The following PLEKHD1 variants were observed in gnomAD, a reference collection of about 807,000 sequenced individuals.
PLEKHD1 encodes pleckstrin homology and coiled-coil domain containing D1.
In PLEKHD1, 51 loss-of-function variants were observed where a neutral mutation model predicts 69.2. That is an observed-to-expected ratio of 0.74 (90% CI 0.59 to 0.93). The LOEUF (loss-of-function observed/expected upper bound fraction) is 0.93, where lower values mean the gene tolerates loss of function less well. Among genes scored for constraint, PLEKHD1 ranks in the 40% least tolerant of loss-of-function variants. The pLI is 0.00. For synonymous variants in PLEKHD1, 236 were observed against 244.7 expected (o/e 0.96, Z 0.33); for missense variants, 584 against 641.0 (o/e 0.91, Z 0.96).
chr14:69,526,662 T>A (rs1566566796), intron 9 of PLEKHD1, 35 bp from the exon 10 acceptor site: 8 of 1,452,894 alleles, frequency 5.5e-6, no homozygotes, highest in Non-Finnish European at 5.5e-6. Context: ...ATTTGGCGAG[T>A]GAGCATTGAG....
At chr14:69,505,429 G>A (rs183321430) in intron 6 of PLEKHD1, among the ~76,000 whole-genome samples, 3 of 152,314 alleles carry the variant, frequency 2.0e-5, no homozygotes, top group Admixed American at 2.0e-4. Context: ...GAGCCGCTGA[G>A]GCAATTGATG....
the PLEKHD1 span, among the ~76,000 whole-genome samples, chr14:69,468,372 A>T: frequency 6.6e-6 from 1 of 152,220 alleles, no homozygotes. Context: ...TAATATAAGG[A>T]TAGTGAAAAA....
At chr14:69,505,034 A>T (rs1883120834) in intron 6 of PLEKHD1, among the ~76,000 whole-genome samples, 1 of 152,088 alleles carries the variant, frequency 6.6e-6, no homozygotes, top group East Asian at 1.9e-4. Flanking sequence ...AAATTTAGAC[A>T]CTCTATCTAG....
At chr14:69,503,065 G>A in intron 6 of PLEKHD1, 186 bp downstream of exon 6, 2 of 641,468 alleles carry the variant, frequency 3.1e-6, no homozygotes, top group Non-Finnish European at 5.4e-6. Flanking sequence ...GGTAAGAAGT[G>A]TCTTTCTCCT....
At chr14:69,525,649 C>T (rs1325409024) in intron 8 of PLEKHD1, among the ~76,000 whole-genome samples, 1 of 152,132 alleles carries the variant, frequency 6.6e-6, no homozygotes, top group Non-Finnish European at 1.5e-5. Flanking sequence ...TATGTCTCCT[C>T]ATTCACCCCT....
chr14:69,479,315 G>A, the PLEKHD1 span, among the ~76,000 whole-genome samples: 10 of 152,292 alleles, frequency 6.6e-5, no homozygotes, highest in Admixed American at 5.2e-4. Context: ...AACCGTATCA[G>A]TGTTAGAGCC....
intron 7 of PLEKHD1, among the ~76,000 whole-genome samples, chr14:69,522,928 ATGTT>A (rs968344814): frequency 4.0e-4 from 60 of 151,892 alleles, no homozygotes; most frequent in East Asian, 1.2e-3. Flanking sequence ...ATATATAAAA[ATGTT>A]TGTTTGTTTG....
At chr14:69,471,287 T>G in the PLEKHD1 span, among the ~76,000 whole-genome samples, 1 of 151,784 alleles carries the variant, frequency 6.6e-6, no homozygotes, top group Admixed American at 6.6e-5. Flanking sequence ...TAAATTTTTA[T>G]TTTTGTAGAG....
At chr14:69,480,587 T>C (rs1404362880), upstream of PLEKHD1, among the ~76,000 whole-genome samples, 1 of 152,208 alleles carries the variant, frequency 6.6e-6, no homozygotes, top group Non-Finnish European at 1.5e-5. Context: ...CACCATTTTC[T>C]ATTAGGCAAT....
chr14:69,497,770 T>G (rs1882918944), intron 1 of PLEKHD1, among the ~76,000 whole-genome samples: 1 of 152,226 alleles, frequency 6.6e-6, no homozygotes, highest in Non-Finnish European at 1.5e-5. Flanking sequence ...GGTATTCATG[T>G]GCTGTTTCCG....
the PLEKHD1 span, among the ~76,000 whole-genome samples, chr14:69,469,224 A>G: frequency 6.6e-6 from 1 of 151,994 alleles, no homozygotes; most frequent in Non-Finnish European, 1.5e-5. Context: ...AACTAGAGCC[A>G]CTCACCCCTT....
At chr14:69,503,777 T>G (rs892232423) in intron 6 of PLEKHD1, 2 of 141,620 alleles carry the variant, frequency 1.4e-5, no homozygotes, top group Non-Finnish European at 3.0e-5. Flanking sequence ...GGCAGGAGAA[T>G]CGCTTGAACC....
intron 1 of PLEKHD1, among the ~76,000 whole-genome samples, chr14:69,498,106 A>ATTTTATTTTATTTTATTTT (rs1491301174): frequency 2.1e-5 from 3 of 141,464 alleles, no homozygotes; most frequent in Non-Finnish European, 4.6e-5. Flanking sequence ...ATTTTATTTT[A>ATTTTATTTTATTTTATTTT]GAGAGTCTTG....
chr14:69,513,219 AAAAATAAAAT>A (rs534420298), intron 6 of PLEKHD1, among the ~76,000 whole-genome samples: 10 of 151,418 alleles, frequency 6.6e-5, no homozygotes, highest in South Asian at 2.1e-4. Context: ...ACTCCATCTC[AAAAATAAAAT>A]AAAATAAAAT....
Position 69,515,211 on chromosome 14 carries a change from A to C in PLEKHD1, c.556-7072A>C, listed in dbSNP as rs1018112943. On this transcript the variant is annotated intron_variant, in intron 6 of 12. Transcript: ENST00000322564. ...AGACTCTGTCTCAACAAACCAACCAACCAACAAACAAAAAAACAGAATGCT... is the reference window on the plus strand; with the variant it reads ...AGACTCTGTCTCAACAAACCAACCACCCAACAAACAAAAAAACAGAATGCT... 1.5e-4 allele frequency among the ~76,000 whole-genome samples: 23 copies of C among 152,202 alleles called. 2 individuals are homozygous for C. Among genetic ancestry groups the C allele is most frequent in the Admixed American group, 1.4e-3 (22 of 15,282 alleles).
chr14:69,522,360 G>T lies in PLEKHD1; in HGVS notation c.633G>T (p.Glu211Asp). The T allele has an allele frequency of 6.4e-7, 1 of 1,551,586 alleles. No individual in the cohort carries two copies. Among genetic ancestry groups the T allele is most frequent in the Non-Finnish European group, 8.7e-7 (1 of 1,146,922 alleles). ...FEEVVQELRM[E>D]QEQIKRELEL... The stretch of plus-strand genomic sequence containing the variant: ...AGGTGGTGCAGGAGCTGAGAATGGA[G>T]CAGGAGCAGATCAAGAGGTGGTGGT... The change falls in exon 7 of 13, where the codon GAG becomes GAT. Residue 211 changes from glutamate to aspartate, a missense_variant. Coordinates refer to ENST00000322564, the MANE Select transcript of PLEKHD1 (RefSeq NM_001161498.2).
intron 1 of PLEKHD1, among the ~76,000 whole-genome samples, chr14:69,493,821 A>G (rs1882828389): frequency 1.3e-5 from 2 of 152,128 alleles, no homozygotes; most frequent in African/African-American, 4.8e-5. Context: ...CCCATACCTC[A>G]CCCAATGCTC....
chr14:69,469,490 G>T, the PLEKHD1 span, among the ~76,000 whole-genome samples: 1 of 151,754 alleles, frequency 6.6e-6, no homozygotes, highest in Non-Finnish European at 1.5e-5. Context: ...GCTCACTGCA[G>T]CCTAGAACTC....
chr14:69,484,129 A>T (rs1054958983), upstream of PLEKHD1, among the ~76,000 whole-genome samples: 2 of 152,116 alleles, frequency 1.3e-5, no homozygotes, highest in African/African-American at 4.8e-5. Context: ...AACCCACCTG[A>T]GGGGGAAGGG....
Sources: gnomAD v4.1 joint callset for allele counts (sites outside exome capture counted in the v4.1 genomes callset) on GRCh38, gnomAD v4.1.1 for gene constraint, MANE v1.5 for transcripts, NCBI Gene and HGNC (gene_info 2026-07-23, HGNC 2026-07-21) for gene names.